TG: variants seen among roughly 807,000 people sequenced by gnomAD.
TG encodes thyroid hormones.
Under a neutral mutation model 324.7 loss-of-function variants are expected in TG, and 270 were observed. The ratio of observed to expected loss-of-function variants is 0.83; its 90% CI spans 0.75 to 0.92. The LOEUF (loss-of-function observed/expected upper bound fraction) is 0.92, where lower values mean the gene tolerates loss of function less well. TG is among the 40% of genes least tolerant of loss of function. The probability of loss-of-function intolerance (pLI) is 0.00; values close to 1 mark genes in which losing one functional copy is unlikely to be tolerated. For synonymous variants in TG, 1,401 were observed against 1,327.0 expected (o/e 1.06, Z -1.21); for missense variants, 3,591 against 3,456.4 (o/e 1.04, Z -0.98).
intron 34 of TG, among the ~76,000 whole-genome samples, chr8:132,978,354 A>G (rs899958695): frequency 6.6e-6 from 1 of 152,198 alleles, no homozygotes; most frequent in Non-Finnish European, 1.5e-5. Flanking sequence ...ATCCATCCCC[A>G]TGACCCAAAC....
intron 17 of TG, among the ~76,000 whole-genome samples, chr8:132,907,556 G>A (rs572036250): frequency 1.3e-5 from 2 of 152,308 alleles, no homozygotes; most frequent in African/African-American, 4.8e-5. Flanking sequence ...ACTGTCACAA[G>A]GCTCTGGGTG....
chr8:132,887,356 T>C lies in TG; in HGVS notation c.1984T>C (p.Cys662Arg), dbSNP rs1815565760. 8 of 1,613,736 alleles carry C rather than the reference T, an allele frequency of 5.0e-6. No individual in the cohort carries two copies. The highest frequency in any genetic ancestry group is 2.2e-5 in the East Asian group (1 of 44,868). ...TGGACAGCCAAGGTGCCCCACAGAC[T>C]GTGAAAAGCAAAGGGCTCGCATGCA... The part of the protein sequence containing the change: ...RGGQPRCPTD[C>R]EKQRARMQSL... The change falls in exon 9 of 48, where the codon TGT becomes CGT. Residue 662 changes from cysteine (C) to arginine (R), a missense_variant. Coordinates refer to ENST00000220616, the MANE Select transcript of TG (RefSeq NM_003235.5).
chr8:132,913,131 A>C lies in TG; in HGVS notation c.4244A>C (p.Lys1415Thr). The C allele has an allele frequency of 6.2e-7, 1 of 1,614,172 alleles. No homozygotes were observed. The highest frequency in any genetic ancestry group is 8.5e-7 in the Non-Finnish European group (1 of 1,180,018). ...TCATTCCAGCTTCATCTGGACTCCA[A>C]GACGTTCCCAGCGGAAACCATCCGC... ...SGSFQLHLDS[K>T]TFPAETIRFL... The change falls in exon 20 of 48, where the codon AAG (lysine) becomes ACG (threonine). Residue 1415 changes from lysine (K) to threonine (T), a missense_variant. Transcript: ENST00000220616.
At chr8:133,125,636 C>T (rs1851461136) in intron 45 of TG, among the ~76,000 whole-genome samples, 1 of 152,216 alleles carries the variant, frequency 6.6e-6, no homozygotes, top group African/African-American at 2.4e-5. Flanking sequence ...GTAGCCACTT[C>T]AGAGAGGACG....
chr8:132,966,467 T>TGG, intron 29 of TG, 93 bp from the exon 30 acceptor site: 1 of 1,065,434 alleles, frequency 9.4e-7, no homozygotes, highest in Non-Finnish European at 1.3e-6. Flanking sequence ...TCTCTCTCTC[T>TGG]GTGTGTGTGT....
intron 25 of TG, among the ~76,000 whole-genome samples, chr8:132,936,528 G>A (rs938478796): frequency 4.6e-5 from 7 of 152,170 alleles, no homozygotes; most frequent in African/African-American, 7.2e-5. Context: ...AAGCTGTGTC[G>A]TACTGTATAG....
chr8:133,028,087 A>G lies in TG; in HGVS notation c.7037-1734A>G, dbSNP rs191102672. ...AGAAGTCTAGACCCCAGAAGTCAACATTGACCCTTTTTGTGTAGTGGGGAA... is the reference window on the plus strand; with the variant it reads ...AGAAGTCTAGACCCCAGAAGTCAACGTTGACCCTTTTTGTGTAGTGGGGAA... On this transcript the variant is annotated intron_variant, in intron 40 of 47. Transcript: ENST00000220616. Among the ~76,000 whole-genome samples the G allele has an allele frequency of 1.6e-3, 244 of 152,322 alleles. 3 individuals are homozygous for G. Among genetic ancestry groups the G allele is most frequent in the Admixed American group, 6.5e-3 (100 of 15,302 alleles).
intron 27 of TG, among the ~76,000 whole-genome samples, chr8:132,950,794 G>A (rs1200634343): frequency 6.6e-6 from 1 of 152,168 alleles, no homozygotes; most frequent in Non-Finnish European, 1.5e-5. Flanking sequence ...GAGGATAAAA[G>A]GAGAGGATAT....
chr8:133,047,938 G>A, intron 41 of TG: 3 of 1,580,772 alleles, frequency 1.9e-6, no homozygotes, highest in Non-Finnish European at 2.6e-6. Flanking sequence ...AGCCAGCTGG[G>A]AAGGAGGAAG....
At chr8:133,049,311 T>A (rs1406256506) in intron 41 of TG, 5 of 376,608 alleles carry the variant, frequency 1.3e-5, no homozygotes, top group African/African-American at 8.5e-5. Context: ...ATTCTGTGTG[T>A]TTCTGGATAG....
At chr8:132,949,541 A>G (rs758148361) in intron 27 of TG, among the ~76,000 whole-genome samples, 1 of 152,188 alleles carries the variant, frequency 6.6e-6, no homozygotes, top group African/African-American at 2.4e-5. Flanking sequence ...CTGAAATGCA[A>G]TCTGTCCCCC....
chr8:133,049,367 A>T lies in TG; in HGVS notation c.7239+19344A>T, dbSNP rs1279148569. 3 of 321,798 alleles carry T rather than the reference A, an allele frequency of 9.3e-6. No homozygotes were observed. The East Asian group carries it at 2.3e-4, about 25-fold the overall frequency. The allele number at this position is 321,798 out of a possible 1,614,324, so 19.9% of individuals were successfully genotyped here. ...TAATATTTATCGAGTGCTTACTGTA[A>T]TGCCTGGCATTGCTCCAAGAACTAC... On this transcript the variant is annotated intron_variant, in intron 41 of 47. Coordinates refer to ENST00000220616, the MANE Select transcript of TG (RefSeq NM_003235.5).
At position 132,983,386 on chromosome 8, in the gene TG, T is replaced by C; in HGVS notation, c.6236T>C (p.Val2079Ala). Residue 2079 changes from valine (V) to alanine (A), a missense_variant, in exon 35 of 48, where the codon GTT becomes GCT. Coordinates refer to ENST00000220616, the MANE Select transcript of TG (RefSeq NM_003235.5). ...AATGCTCCCAGTTTTTGCCCTTTGG[T>C]TGTTCTGCCTTCCCTCACAGAGAAA... is the stretch of plus-strand genomic sequence containing the variant. ...QNNAPSFCPL[V>A]VLPSLTEKVS... 1 of 1,614,178 alleles carries C rather than the reference T, an allele frequency of 6.2e-7. No homozygotes were observed. Among genetic ancestry groups the C allele is most frequent in the Non-Finnish European group, 8.5e-7 (1 of 1,180,006 alleles).
chr8:132,894,986 C>T (rs904146836), intron 11 of TG, among the ~76,000 whole-genome samples: 1 of 152,218 alleles, frequency 6.6e-6, no homozygotes, highest in Non-Finnish European at 1.5e-5. Context: ...ACCTGGTCCT[C>T]CAGTTCATCT....
At chr8:132,978,411 T>A (rs1830430637) in intron 34 of TG, among the ~76,000 whole-genome samples, 1 of 152,056 alleles carries the variant, frequency 6.6e-6, no homozygotes, top group Non-Finnish European at 1.5e-5. Flanking sequence ...CATTTCAACA[T>A]GAGATTTGGA....
chr8:132,964,608 T>C (rs1828270824), intron 29 of TG: 1 of 367,792 alleles, frequency 2.7e-6, no homozygotes. Flanking sequence ...ATTGGTCTCA[T>C]TGCTTTTAAG....
intron 32 of TG, among the ~76,000 whole-genome samples, chr8:132,970,462 GA>G (rs1829343955): frequency 6.6e-6 from 1 of 152,138 alleles, no homozygotes; most frequent in Non-Finnish European, 1.5e-5. Flanking sequence ...TCAAGAATCT[GA>G]CCTTTAAGGA....
At chr8:132,972,411 G>T (rs1032511422) in intron 33 of TG, 187 bp from the exon 34 acceptor site, 1 of 660,776 alleles carries the variant, frequency 1.5e-6, no homozygotes, top group Admixed American at 2.8e-5. Flanking sequence ...TTTGCTCTTA[G>T]ATCAGAGGCT....
At chr8:132,961,693 C>A (rs562796809) in intron 28 of TG, among the ~76,000 whole-genome samples, 1 of 152,088 alleles carries the variant, frequency 6.6e-6, no homozygotes, top group Admixed American at 6.6e-5. Context: ...TGAAGGGTTC[C>A]GGCCTCAGGA....
Sources: allele counts gnomAD v4.1 joint callset (sites outside exome capture counted in the v4.1 genomes callset), GRCh38; gene constraint gnomAD v4.1.1; transcripts MANE v1.5; gene names NCBI Gene and HGNC (gene_info 2026-07-23, HGNC 2026-07-21).